The following CDH18 variants were observed in gnomAD, a reference collection of about 807,000 sequenced individuals.
The protein encoded by CDH18 is cadherin 18.
A neutral mutation model predicts 67.9 loss-of-function variants in CDH18; 31 were observed. That is an observed-to-expected ratio of 0.46 (90% CI 0.34 to 0.62). CDH18 has a LOEUF of 0.62. CDH18 is among the 20% of genes least tolerant of loss of function. CDH18 has a pLI of 0.01. For synonymous variants in CDH18, 362 were observed against 347.2 expected (o/e 1.04, Z -0.48); for missense variants, 890 against 975.5 (o/e 0.91, Z 1.17).
chr5:19,669,358 T>G (rs193173587), intron 5 of CDH18, among the ~76,000 whole-genome samples: 3 of 151,142 alleles, frequency 2.0e-5, no homozygotes, highest in African/African-American at 7.3e-5. Context: ...AGTGGGGTGA[T>G]CTCGGCTCAC....
intron 7 of CDH18, among the ~76,000 whole-genome samples, chr5:19,588,004 TC>T (rs1181388281): frequency 6.6e-6 from 1 of 152,094 alleles, no homozygotes; most frequent in African/African-American, 2.4e-5. Context: ...GTCCTTTGCT[TC>T]CCTTGTTAAC....
intron 2 of CDH18, among the ~76,000 whole-genome samples, chr5:19,874,382 T>G (rs1372755843): frequency 6.6e-6 from 1 of 152,184 alleles, no homozygotes; most frequent in African/African-American, 2.4e-5. Context: ...ATTTCTAAGG[T>G]CTTTAATAAT....
intron 4 of CDH18, among the ~76,000 whole-genome samples, chr5:19,732,919 T>C (rs963576504): frequency 1.3e-5 from 2 of 152,174 alleles, no homozygotes; most frequent in African/African-American, 4.8e-5. Flanking sequence ...GTCACACAAC[T>C]GGAGCCTCTG....
intron 1 of CDH18, among the ~76,000 whole-genome samples, chr5:20,283,407 AC>A (rs1239075094): frequency 3.3e-5 from 5 of 152,096 alleles, no homozygotes; most frequent in Non-Finnish European, 7.4e-5. Flanking sequence ...TATAGGAAAA[AC>A]ATCTTAGAAT....
chr5:19,490,630 A>C (rs1168949732), intron 11 of CDH18, among the ~76,000 whole-genome samples: 1 of 151,628 alleles, frequency 6.6e-6, no homozygotes, highest in African/African-American at 2.4e-5. Flanking sequence ...GGCCAGGATG[A>C]TCTCAATCTC....
At chr5:19,621,603 T>A (rs1750719310) in intron 5 of CDH18, among the ~76,000 whole-genome samples, 1 of 152,178 alleles carries the variant, frequency 6.6e-6, no homozygotes, top group Admixed American at 6.6e-5. Flanking sequence ...CTTACTTATA[T>A]GAGGAATCTG....
intron 1 of CDH18, among the ~76,000 whole-genome samples, chr5:20,390,337 C>T (rs1744730918): frequency 6.6e-6 from 1 of 152,270 alleles, no homozygotes; most frequent in Admixed American, 6.5e-5. Context: ...AGGATATGAA[C>T]AGACACTTCT....
chr5:20,316,279 A>G (rs1056890715), intron 1 of CDH18, among the ~76,000 whole-genome samples: 2 of 152,194 alleles, frequency 1.3e-5, no homozygotes, highest in Non-Finnish European at 2.9e-5. Flanking sequence ...GACATTATCG[A>G]TGTGGAAAGT....
intron 2 of CDH18, among the ~76,000 whole-genome samples, chr5:20,220,664 A>T (rs889347553): frequency 6.6e-6 from 1 of 152,058 alleles, no homozygotes; most frequent in African/African-American, 2.4e-5. Context: ...CAGCAAGGGC[A>T]AAAACCAGCC....
chr5:19,980,375 C>G (rs1237138928), intron 2 of CDH18, among the ~76,000 whole-genome samples: 1 of 151,824 alleles, frequency 6.6e-6, no homozygotes, highest in Non-Finnish European at 1.5e-5. Flanking sequence ...AAAAAGTAAG[C>G]AACCATAAAA....
chr5:20,097,148 T>C (rs1163616361), intron 2 of CDH18, among the ~76,000 whole-genome samples: 1 of 152,188 alleles, frequency 6.6e-6, no homozygotes, highest in Non-Finnish European at 1.5e-5. Context: ...TCATGCATTT[T>C]ATCTTTATTT....
At chr5:19,611,160 A>G (rs879368915) in intron 6 of CDH18, among the ~76,000 whole-genome samples, 4 of 152,278 alleles carry the variant, frequency 2.6e-5, no homozygotes, top group Non-Finnish European at 5.9e-5. Context: ...CATAAGTGGA[A>G]GGGGATCTAT....
chr5:20,298,570 AC>A (rs1287877075), intron 1 of CDH18, among the ~76,000 whole-genome samples: 14 of 152,298 alleles, frequency 9.2e-5, no homozygotes, highest in African/African-American at 3.4e-4. Flanking sequence ...CATAGATACG[AC>A]TTTGGCTCTC....
chr5:19,669,452 C>T (rs1758442277), intron 5 of CDH18, among the ~76,000 whole-genome samples: 1 of 151,784 alleles, frequency 6.6e-6, no homozygotes, highest in Non-Finnish European at 1.5e-5. Flanking sequence ...GCCACCACAT[C>T]TGGCTAATTT....
At chr5:19,549,126 T>C (rs1007033352) in intron 8 of CDH18, among the ~76,000 whole-genome samples, 2 of 152,178 alleles carry the variant, frequency 1.3e-5, no homozygotes, top group Non-Finnish European at 2.9e-5. Context: ...GAATCTCATA[T>C]TAAAAGCTAA....
intron 3 of CDH18, among the ~76,000 whole-genome samples, chr5:19,815,574 T>C (rs1021104616): frequency 4.6e-5 from 7 of 151,790 alleles, no homozygotes; most frequent in Non-Finnish European, 8.9e-5. Flanking sequence ...TAAAAAAAAA[T>C]TGAAGGTTGT....
At chr5:20,437,671 A>C (rs1221070724) in intron 1 of CDH18, among the ~76,000 whole-genome samples, 1 of 151,474 alleles carries the variant, frequency 6.6e-6, no homozygotes, top group Non-Finnish European at 1.5e-5. Flanking sequence ...TGCTGAAAGC[A>C]ACACAATTCA....
At chr5:20,149,285 C>G (rs1228016784) in intron 2 of CDH18, among the ~76,000 whole-genome samples, 1 of 152,160 alleles carries the variant, frequency 6.6e-6, no homozygotes, top group Non-Finnish European at 1.5e-5. Flanking sequence ...ATGGGGGTGT[C>G]TGCATTTTCC....
At chr5:19,588,968 T>G (rs1306591568) in intron 7 of CDH18, among the ~76,000 whole-genome samples, 2 of 152,016 alleles carry the variant, frequency 1.3e-5, no homozygotes, top group Admixed American at 1.3e-4. Flanking sequence ...AAAACCTCAC[T>G]GACATTATGA....
Sources: gnomAD v4.1 joint callset for allele counts (sites outside exome capture counted in the v4.1 genomes callset) on GRCh38, gnomAD v4.1.1 for gene constraint, MANE v1.5 for transcripts, NCBI Gene and HGNC (gene_info 2026-07-23, HGNC 2026-07-21) for gene names.